The following ACSM3 variants were observed in gnomAD, a reference collection of about 807,000 sequenced individuals.
ACSM3 encodes the protein acyl-CoA synthetase medium chain family member 3.
A neutral mutation model predicts 74.1 loss-of-function variants in ACSM3; 61 were observed. The ratio of observed to expected loss-of-function variants is 0.82; its 90% CI spans 0.67 to 1.02. The LOEUF is 1.02. Among genes scored for constraint, ACSM3 ranks in the 50% least tolerant of loss-of-function variants. The pLI, the probability that ACSM3 is intolerant of heterozygous loss-of-function variation, is 0.00. For synonymous variants in ACSM3, 213 were observed against 241.5 expected (o/e 0.88, Z 1.09); for missense variants, 660 against 697.0 (o/e 0.95, Z 0.60).
At chr16:20,697,556 TACACACACACACACACACACACACAC>T (rs57633278) in intron 1 of ACSM3, 3 of 139,550 alleles carry the variant, frequency 2.1e-5, no homozygotes, top group Non-Finnish European at 3.1e-5. Flanking sequence ...AAAATTGGAT[TACACACACACACACACACACACACAC>T]ACACACACAC....
intron 7 of ACSM3, among the ~76,000 whole-genome samples, chr16:20,782,320 T>C (rs1219564618): frequency 6.6e-6 from 1 of 152,148 alleles, no homozygotes; most frequent in Non-Finnish European, 1.5e-5. Flanking sequence ...AGTGGTGACT[T>C]CTGAGATTTT....
intron 1 of ACSM3, chr16:20,742,115 G>T: frequency 8.4e-7 from 1 of 1,188,612 alleles, no homozygotes; most frequent in Non-Finnish European, 1.1e-6. Flanking sequence ...GCCAGCTACT[G>T]TGGAGGAAAA....
At chr16:20,734,361 T>C (rs1227109971) in intron 1 of ACSM3, 1 of 152,612 alleles carries the variant, frequency 6.6e-6, no homozygotes, top group Non-Finnish European at 1.5e-5. Context: ...AATCCTCTTA[T>C]CAATCATTGC....
intron 1 of ACSM3, chr16:20,728,584 C>A: frequency 2.2e-6 from 1 of 456,280 alleles, no homozygotes; most frequent in Non-Finnish European, 3.9e-6. Context: ...AGGCAAGCAA[C>A]AAAATCTATT....
chr16:20,684,138 C>T (rs1161446072), intron 1 of ACSM3, among the ~76,000 whole-genome samples: 1 of 152,040 alleles, frequency 6.6e-6, no homozygotes, highest in African/African-American at 2.4e-5. Context: ...AAAAATAAGT[C>T]ATCAAAAGGG....
chr16:20,793,039 G>C (rs922248683), intron 12 of ACSM3, among the ~76,000 whole-genome samples: 4 of 152,194 alleles, frequency 2.6e-5, no homozygotes, highest in African/African-American at 9.7e-5. Flanking sequence ...AGATGACACT[G>C]ATGTCAATAC....
chr16:20,737,052 T>C (rs1567329973), intron 1 of ACSM3: 7 of 1,614,112 alleles, frequency 4.3e-6, no homozygotes, highest in Non-Finnish European at 4.2e-6. Context: ...TGTGTTGTTT[T>C]GGTCTGATTT....
chr16:20,773,871 G>C (rs1393235064), intron 2 of ACSM3, among the ~76,000 whole-genome samples: 2 of 152,130 alleles, frequency 1.3e-5, no homozygotes, highest in African/African-American at 4.8e-5. Context: ...ATATCTGCGA[G>C]GTCCATTTGG....
intron 1 of ACSM3, among the ~76,000 whole-genome samples, chr16:20,704,897 G>T (rs1474513830): frequency 6.6e-6 from 1 of 152,178 alleles, no homozygotes; most frequent in Non-Finnish European, 1.5e-5. Flanking sequence ...AAATTCACAT[G>T]CTCACAATGA....
intron 6 of ACSM3, among the ~76,000 whole-genome samples, chr16:20,781,333 A>G (rs2080348858): frequency 6.6e-6 from 1 of 152,220 alleles, no homozygotes; most frequent in Non-Finnish European, 1.5e-5. Context: ...TCTGCCAGGC[A>G]CATATTGAAA....
chr16:20,729,382 A>AGT, intron 1 of ACSM3: 1 of 1,288,250 alleles, frequency 7.8e-7, no homozygotes, highest in Non-Finnish European at 1.1e-6. Context: ...CACTCTTAAG[A>AGT]GGCAAGGATT....
intron 1 of ACSM3, chr16:20,703,503 A>G (rs975346227): frequency 6.6e-6 from 1 of 151,750 alleles, no homozygotes; most frequent in African/African-American, 2.4e-5. Context: ...AGTGGTTTGT[A>G]GCTCTCCTTG....
Position 20,777,375 on chromosome 16 carries a change from A to C in ACSM3, c.433A>C (p.Thr145Pro). The change falls in exon 4 of 14, where the codon ACA becomes CCA. Residue 145 changes from threonine to proline, a missense_variant and splice_region_variant. Physicochemically the swap from Thr to Pro is conservative, Grantham distance 38 (BLOSUM62 -1). Coordinates refer to ENST00000289416, the MANE Select transcript of ACSM3 (RefSeq NM_005622.4). ...LANVACLRTG[T>P]VLIPGTTQLT... ...CTGTTTCTTTTCTGCCCCTTTAGGG[A>C]CAGTTTTAATTCCAGGAACCACTCA... The C allele has an allele frequency of 1.2e-6, 2 of 1,613,252 alleles. No homozygotes were observed. The highest frequency in any genetic ancestry group is 1.7e-6 in the Non-Finnish European group (2 of 1,179,440).
At chr16:20,737,345 C>T (rs1202468470) in intron 1 of ACSM3, 5 of 1,505,326 alleles carry the variant, frequency 3.3e-6, no homozygotes, top group South Asian at 1.4e-5. Flanking sequence ...CTGATAGATA[C>T]AAAAAATCTT....
chr16:20,797,059 A>C lies in ACSM3; in HGVS notation c.*87A>C. The C allele has an allele frequency of 6.6e-7, 1 of 1,522,274 alleles. No individual in the cohort carries two copies. 94.3% of individuals were successfully genotyped at this position (1,522,274 alleles called of 1,614,324 possible). The stretch of plus-strand genomic sequence containing the variant: ...CACAAGATGATGGAGAGGTCATAAA[A>C]ACTGTGGTAGTATGCTTAGAAACTG... On this transcript the variant is annotated 3_prime_UTR_variant, in exon 14 of 14. Transcript: ENST00000289416.
chr16:20,707,809 G>A (rs766232842), intron 1 of ACSM3, among the ~76,000 whole-genome samples: 6 of 152,088 alleles, frequency 3.9e-5, no homozygotes, highest in Non-Finnish European at 7.4e-5. Context: ...AAATGAAAAG[G>A]TTACTTGAAT....
chr16:20,704,151 G>A (rs781005806), intron 1 of ACSM3, among the ~76,000 whole-genome samples: 5 of 152,132 alleles, frequency 3.3e-5, no homozygotes, highest in Non-Finnish European at 5.9e-5. Context: ...TTACAAAGAT[G>A]AAGAAATTGA....
chr16:20,794,785 G>A (rs2080684520), intron 12 of ACSM3, among the ~76,000 whole-genome samples: 1 of 152,158 alleles, frequency 6.6e-6, no homozygotes, highest in South Asian at 2.1e-4. Flanking sequence ...GGCACAAAGA[G>A]ATTACCTAAC....
At chr16:20,696,379 G>A (rs951985466) in intron 1 of ACSM3, among the ~76,000 whole-genome samples, 10 of 152,096 alleles carry the variant, frequency 6.6e-5, no homozygotes, top group African/African-American at 9.7e-5. Flanking sequence ...ATTTCTCACC[G>A]TGCTGGACAT....
Sources: allele counts gnomAD v4.1 joint callset (sites outside exome capture counted in the v4.1 genomes callset), GRCh38; gene constraint gnomAD v4.1.1; transcripts MANE v1.5; gene names NCBI Gene and HGNC (gene_info 2026-07-23, HGNC 2026-07-21).